Variants in H2AZ2 observed in about 807,000 individuals in gnomAD.
The protein encoded by H2AZ2 is H2A.Z variant histone 2.
In H2AZ2, 5 loss-of-function variants were observed where a neutral mutation model predicts 15.5. The ratio of observed to expected loss-of-function variants is 0.32; its 90% CI spans 0.17 to 0.68. The LOEUF (loss-of-function observed/expected upper bound fraction) is 0.68, where lower values mean the gene tolerates loss of function less well. H2AZ2 is among the 30% of genes least tolerant of loss of function. H2AZ2 has a pLI of 0.72. For synonymous variants in H2AZ2, 44 were observed against 57.4 expected (o/e 0.77, Z 1.05); for missense variants, 42 against 162.5 (o/e 0.26, Z 4.03).
chr7:44,843,239 A>G, intron 2 of H2AZ2, 38 bp downstream of exon 2: 1 of 1,393,998 alleles, frequency 7.2e-7, no homozygotes, highest in Non-Finnish European at 9.9e-7. Context: ...TACAACAGTA[A>G]AGAAAATAAT....
chr7:44,833,631 G>T lies in H2AZ2; in HGVS notation c.*870C>A. 1.0e-6 allele frequency: 1 copy of T among 960,786 alleles called. No homozygotes were observed. Among genetic ancestry groups the T allele is most frequent in the Non-Finnish European group, 1.2e-6 (1 of 807,382 alleles). 59.5% of individuals were successfully genotyped at this position (960,786 alleles called of 1,614,324 possible). On this transcript the variant is annotated 3_prime_UTR_variant, in exon 5 of 5. Coordinates refer to ENST00000308153, the MANE Select transcript of H2AZ2 (RefSeq NM_012412.5). ...CTCCCGAAGTGTTGGGATTACAGGCGTAAACCACAATGCCAGGCCAAAAAT... is the reference window on the plus strand; with the variant it reads ...CTCCCGAAGTGTTGGGATTACAGGCTTAAACCACAATGCCAGGCCAAAAAT...
chr7:44,838,003 G>A (rs894920196), intron 3 of H2AZ2, among the ~76,000 whole-genome samples: 6 of 150,664 alleles, frequency 4.0e-5, no homozygotes, highest in South Asian at 4.2e-4. Context: ...ACGGAGTCTC[G>A]TTCTGTCGCC....
At chr7:44,843,172 A>C in intron 2 of H2AZ2, 105 bp downstream of exon 2, 1 of 277,262 alleles carries the variant, frequency 3.6e-6, no homozygotes, top group Non-Finnish European at 6.8e-6. Context: ...AAAAAAAAAA[A>C]AAAGTCTGTA....
At chr7:44,837,843 C>G (rs111985638) in intron 3 of H2AZ2, among the ~76,000 whole-genome samples, 32 of 24,462 alleles carry the variant, frequency 1.3e-3, no homozygotes, top group Non-Finnish European at 3.1e-3. Flanking sequence ...GGGGGGGGGG[C>G]TTAGATAGAT....
intron 3 of H2AZ2, among the ~76,000 whole-genome samples, chr7:44,837,001 G>GAAAAAC (rs1161515756): frequency 2.1e-3 from 320 of 149,380 alleles, no homozygotes; most frequent in Middle Eastern, 0.014. Context: ...GTCTCGAAAA[G>GAAAAAC]AAAAACAAAA....
intron 1 of H2AZ2, 127 bp downstream of exon 1, chr7:44,847,842 G>T: frequency 7.6e-7 from 1 of 1,308,174 alleles, no homozygotes; most frequent in Non-Finnish European, 1.0e-6. Flanking sequence ...CGGGCGGCGA[G>T]GGGCTCGGCC....
chr7:44,840,321 G>A (rs907547999), intron 3 of H2AZ2, among the ~76,000 whole-genome samples: 2 of 152,174 alleles, frequency 1.3e-5, no homozygotes, highest in Admixed American at 1.3e-4. Flanking sequence ...GGACTCAAGT[G>A]TACAATCTAC....
At chr7:44,835,483 A>T in intron 4 of H2AZ2, 46 bp downstream of exon 4, 1 of 1,535,654 alleles carries the variant, frequency 6.5e-7, no homozygotes, top group Non-Finnish European at 9.0e-7. Flanking sequence ...ACGATATATT[A>T]GTCAGAAAGA....
intron 3 of H2AZ2, among the ~76,000 whole-genome samples, chr7:44,838,133 C>G (rs1273609732): frequency 1.3e-5 from 2 of 151,760 alleles, no homozygotes; most frequent in Non-Finnish European, 2.9e-5. Context: ...CGCCACCATG[C>G]CCAGCTAATT....
Position 44,843,137 on chromosome 7 carries a change from CAAAAAAAAAAAAAAAAAAAAAAAA to C in H2AZ2, c.81+116_81+139del, listed in dbSNP as rs55941046. The C allele has an allele frequency of 5.2e-4, 45 of 86,184 alleles. 2 individuals carry two copies. Among genetic ancestry groups the C allele is most frequent in the East Asian group, 4.9e-3 (25 of 5,142 alleles). 5.3% of individuals were successfully genotyped at this position (86,184 alleles called of 1,614,324 possible). Reference sequence around the variant, plus strand: ...CTGACGACAGAGTGAGACTCTGTCTCAAAAAAAAAAAAAAAAAAAAAAAAAAAAAAAAAAAAAAGTCTGTAGTAA... The same window carrying C: ...CTGACGACAGAGTGAGACTCTGTCTCAAAAAAAAAAAAAAGTCTGTAGTAA... On this transcript the variant is annotated intron_variant, in intron 2 of 4. Coordinates refer to ENST00000308153, the MANE Select transcript of H2AZ2 (RefSeq NM_012412.5).
intron 1 of H2AZ2, among the ~76,000 whole-genome samples, chr7:44,846,669 A>AC (rs71011999): frequency 8.7e-5 from 13 of 150,168 alleles, no homozygotes; most frequent in Admixed American, 1.3e-4. Context: ...AAAAAAAAAA[A>AC]CCACAAAAAA....
At chr7:44,831,174 AAAAAT>A (rs1178879625), downstream of H2AZ2, among the ~76,000 whole-genome samples, 1 of 152,198 alleles carries the variant, frequency 6.6e-6, no homozygotes, top group Non-Finnish European at 1.5e-5. Flanking sequence ...CTGAAAAAAT[AAAAAT>A]AAAATAAAAC....
chr7:44,830,735 T>C (rs867494503), downstream of H2AZ2, among the ~76,000 whole-genome samples: 3 of 152,220 alleles, frequency 2.0e-5, no homozygotes, highest in Admixed American at 6.5e-5. Context: ...CAGTGGCTCA[T>C]GCCTGTAATC....
chr7:44,839,292 A>G (rs1434247935), intron 3 of H2AZ2, among the ~76,000 whole-genome samples: 1 of 152,144 alleles, frequency 6.6e-6, no homozygotes, highest in Non-Finnish European at 1.5e-5. Context: ...ATGGTGGTTT[A>G]TGTCTGTAAT....
chr7:44,842,976 T>C (rs1793308357), intron 2 of H2AZ2, among the ~76,000 whole-genome samples: 3 of 151,312 alleles, frequency 2.0e-5, no homozygotes, highest in Admixed American at 2.0e-4. Context: ...CCGTCTCTAC[T>C]AAAAATACAA....
At chr7:44,830,194 T>C, downstream of H2AZ2, 1 of 1,609,524 alleles carries the variant, frequency 6.2e-7, no homozygotes, top group South Asian at 1.1e-5. Flanking sequence ...AAATAGAGAA[T>C]AAAAACAGCA....
At chr7:44,847,766 G>A (rs955112168) in intron 1 of H2AZ2, among the ~76,000 whole-genome samples, 1 of 152,088 alleles carries the variant, frequency 6.6e-6, no homozygotes, top group African/African-American at 2.4e-5. Flanking sequence ...CGCTCTACCC[G>A]GCCAGGCCCA....
intron 1 of H2AZ2, among the ~76,000 whole-genome samples, chr7:44,847,730 ATCTATCCGGCTCGGAACAGACTTCGCGC>A (rs1583725335): frequency 2.6e-5 from 4 of 152,100 alleles, no homozygotes; most frequent in Non-Finnish European, 5.9e-5. Flanking sequence ...GTCGGGACAG[ATCTATCCGGCTCGGAACAGACTTCGCGC>A]TCTACCCGGC....
chr7:44,837,820 A>G (rs1793165804), intron 3 of H2AZ2, among the ~76,000 whole-genome samples: 1 of 73,152 alleles, frequency 1.4e-5, no homozygotes, highest in Non-Finnish European at 3.4e-5. Context: ...GTTCCCAAAG[A>G]TTTAAAAAAA....
Sources: allele counts gnomAD v4.1 joint callset (sites outside exome capture counted in the v4.1 genomes callset), GRCh38; gene constraint gnomAD v4.1.1; transcripts MANE v1.5; gene names NCBI Gene and HGNC (gene_info 2026-07-23, HGNC 2026-07-21).